Variants in SLMAP observed in about 807,000 individuals in gnomAD.
SLMAP encodes sarcolemmal membrane-associated protein.
A neutral mutation model predicts 128.8 loss-of-function variants in SLMAP; 44 were observed. The ratio of observed to expected loss-of-function variants is 0.34; its 90% CI spans 0.27 to 0.44. The LOEUF is 0.44. SLMAP is among the 20% of genes least tolerant of loss of function. SLMAP has a pLI of 1.00. For missense variants in SLMAP, 787 were observed against 985.3 expected (o/e 0.80, Z 2.69); for synonymous variants, 327 against 348.8 (o/e 0.94, Z 0.70).
intron 2 of SLMAP, among the ~76,000 whole-genome samples, chr3:57,826,741 T>C (rs1346343265): frequency 2.0e-5 from 3 of 152,208 alleles, no homozygotes; most frequent in Non-Finnish European, 4.4e-5. Context: ...TCACTTGTTA[T>C]TGGATTGAGC....
intron 2 of SLMAP, among the ~76,000 whole-genome samples, chr3:57,781,392 G>A (rs548663274): frequency 6.6e-6 from 1 of 152,228 alleles, no homozygotes; most frequent in South Asian, 2.1e-4. Context: ...AAAGAATAAG[G>A]AAGCTGTTTA....
At chr3:57,906,310 CT>C (rs999042505) in intron 17 of SLMAP, among the ~76,000 whole-genome samples, 121 of 47,032 alleles carry the variant, frequency 2.6e-3, no homozygotes, top group Admixed American at 3.7e-3. Context: ...CTTTTTTTTT[CT>C]TTTTTTTTTT....
chr3:57,886,500 T>A (rs954931190), intron 14 of SLMAP, among the ~76,000 whole-genome samples: 4 of 151,634 alleles, frequency 2.6e-5, no homozygotes, highest in African/African-American at 9.7e-5. Flanking sequence ...AAAAATATGA[T>A]ACCAGATTTT....
Position 57,896,910 on chromosome 3 carries a change from T to C in SLMAP, c.1479T>C (p.Leu493=), listed in dbSNP as rs1575912400. 5 of 1,612,956 alleles carry C rather than the reference T, an allele frequency of 3.1e-6. No individual in the cohort carries two copies. The highest frequency in any genetic ancestry group is 4.2e-6 in the Non-Finnish European group (5 of 1,179,676). ...ATGAGCAAGACCTAAATGAGCCTCT[T>C]GCCAAAGTGTCCCTTTTAAAAGGTA... is the stretch of plus-strand genomic sequence containing the variant. The part of the protein sequence containing the change: ...QMDEQDLNEP[L]AKVSLLKDDL... The change falls in exon 17 of 25, where the codon CTT becomes CTC. Residue 493 remains leucine, a synonymous_variant. Coordinates refer to ENST00000671191, the MANE Select transcript of SLMAP (RefSeq NM_001377540.1).
intron 3 of SLMAP, among the ~76,000 whole-genome samples, chr3:57,835,772 A>G (rs923160716): frequency 5.3e-5 from 8 of 152,232 alleles, no homozygotes; most frequent in South Asian, 2.1e-4. Context: ...AAATGTATGG[A>G]CTAAATTTGC....
chr3:57,853,957 A>ATT (rs1232642056), intron 6 of SLMAP, among the ~76,000 whole-genome samples: 403 of 38,410 alleles, frequency 0.01, 3 homozygotes, highest in Non-Finnish European at 0.016. Context: ...AAAAAAAATT[A>ATT]TATATATATA....
chr3:57,810,307 T>G (rs2090726596), intron 2 of SLMAP, among the ~76,000 whole-genome samples: 1 of 152,138 alleles, frequency 6.6e-6, no homozygotes, highest in Non-Finnish European at 1.5e-5. Flanking sequence ...ATGCCTGGCT[T>G]GCCGTTGGCA....
At chr3:57,919,118 C>T (rs905506814) in intron 22 of SLMAP, among the ~76,000 whole-genome samples, 3 of 152,202 alleles carry the variant, frequency 2.0e-5, no homozygotes, top group Admixed American at 6.5e-5. Flanking sequence ...CCGTGGCTCA[C>T]GCCTGTAATC....
At chr3:57,920,806 G>T (rs1044339115) in intron 22 of SLMAP, among the ~76,000 whole-genome samples, 1 of 152,088 alleles carries the variant, frequency 6.6e-6, no homozygotes, top group Non-Finnish European at 1.5e-5. Context: ...CTCAAGGTCA[G>T]GAGTTCGAGA....
At chr3:57,915,331 A>G (rs1391340452) in intron 21 of SLMAP, among the ~76,000 whole-genome samples, 1 of 152,234 alleles carries the variant, frequency 6.6e-6, no homozygotes, top group East Asian at 1.9e-4. Context: ...TGGTTTAAAA[A>G]TATTAGGCCC....
intron 2 of SLMAP, among the ~76,000 whole-genome samples, chr3:57,808,267 C>T (rs1302588506): frequency 1.3e-5 from 2 of 151,272 alleles, no homozygotes; most frequent in Admixed American, 1.3e-4. Context: ...TTTAGTTCTG[C>T]TCTCATCTTA....
chr3:57,807,487 G>GT (rs2090122055), intron 2 of SLMAP, among the ~76,000 whole-genome samples: 3 of 152,164 alleles, frequency 2.0e-5, no homozygotes, highest in Admixed American at 2.0e-4. Flanking sequence ...TTTACTGGGA[G>GT]TTTTTAACAT....
chr3:57,905,178 C>CTGTGTGTATG (rs6147835), intron 17 of SLMAP, among the ~76,000 whole-genome samples: 2,767 of 152,284 alleles, frequency 0.018, 74 homozygotes, highest in African/African-American at 0.063. Context: ...GTGTGTGGTT[C>CTGTGTGTATG]TGTGTGTATG....
Position 57,895,160 on chromosome 3 carries a change from G to A in SLMAP, c.1361-1351G>A, listed in dbSNP as rs150608661. Reference sequence around the variant, plus strand: ...AGAAAGGAATTCCATAGTATGTACAGATGTGCCATTACAGATGAGGATCTG... The same window carrying A: ...AGAAAGGAATTCCATAGTATGTACAAATGTGCCATTACAGATGAGGATCTG... On this transcript the variant is annotated intron_variant, in intron 15 of 24. Transcript: ENST00000671191. Among the ~76,000 whole-genome samples the A allele has an allele frequency of 3.3e-4, 50 of 151,806 alleles. 2 individuals are homozygous for A. The East Asian group carries it at 9.5e-3, about 29-fold the overall frequency.
chr3:57,857,956 T>C (rs2094871917), intron 7 of SLMAP, 128 bp downstream of exon 7: 2 of 939,644 alleles, frequency 2.1e-6, no homozygotes, highest in South Asian at 1.5e-5. Context: ...TTGTTGAAGA[T>C]TTAGCATTTT....
At chr3:57,788,490 C>T (rs2084728625) in intron 2 of SLMAP, among the ~76,000 whole-genome samples, 1 of 151,894 alleles carries the variant, frequency 6.6e-6, no homozygotes, top group South Asian at 2.1e-4. Flanking sequence ...AGTTATCAGC[C>T]CATGTAGTGA....
At chr3:57,853,954 AT>A (rs1553880876) in intron 6 of SLMAP, among the ~76,000 whole-genome samples, 90 of 40,606 alleles carry the variant, frequency 2.2e-3, no homozygotes, top group Non-Finnish European at 3.7e-3. Flanking sequence ...AAAAAAAAAA[AT>A]TATATATATA....
chr3:57,896,587 T>C lies in SLMAP; in HGVS notation c.1437T>C (p.Thr479=), dbSNP rs1445734030. ...SPSKEKSSDD[T]TDAQMDEQDL... is the part of the protein sequence containing the mutation. Reference sequence around the variant, plus strand: ...GCAAGGAAAAAAGCAGTGACGACACTACAGGTGAGTTTTAACCTAATGTTT... The same window carrying C: ...GCAAGGAAAAAAGCAGTGACGACACCACAGGTGAGTTTTAACCTAATGTTT... The change falls in exon 16 of 25, where the codon ACT becomes ACC. Residue 479 remains threonine, a synonymous_variant. Coordinates refer to ENST00000671191, the MANE Select transcript of SLMAP (RefSeq NM_001377540.1). 3.1e-6 allele frequency: 5 copies of C among 1,606,170 alleles called. No homozygotes were observed. Among genetic ancestry groups the C allele is most frequent in the Non-Finnish European group, 4.3e-6 (5 of 1,175,808 alleles).
chr3:57,908,798 C>T (rs12632270), intron 18 of SLMAP, among the ~76,000 whole-genome samples: 271 of 152,228 alleles, frequency 1.8e-3, no homozygotes, highest in East Asian at 5.2e-3. Flanking sequence ...TAACAATTAT[C>T]AAGACTGTTT....
Sources: allele counts gnomAD v4.1 joint callset (sites outside exome capture counted in the v4.1 genomes callset), GRCh38; gene constraint gnomAD v4.1.1; transcripts MANE v1.5; gene names NCBI Gene and HGNC (gene_info 2026-07-23, HGNC 2026-07-21).